Variants in TGM4 observed in about 807,000 individuals in gnomAD.
TGM4 encodes the protein transglutaminase 4, also known as protein-glutamine gamma-glutamyltransferase 4.
Under a neutral mutation model 76.3 loss-of-function variants are expected in TGM4, and 61 were observed. The ratio of observed to expected loss-of-function variants is 0.80; its 90% CI spans 0.65 to 0.99. TGM4 has a LOEUF of 0.99. TGM4 is among the 50% of genes least tolerant of loss of function. The probability of loss-of-function intolerance (pLI) is 0.00; values close to 1 mark genes in which losing one functional copy is unlikely to be tolerated. For missense variants in TGM4, 794 were observed against 843.2 expected, an observed-to-expected ratio of 0.94 and a Z score of 0.72; for synonymous variants, 337 against 329.8, an observed-to-expected ratio of 1.02 and a Z score of -0.24.
chr3:44,900,214 TGGGGCC>T (rs1301321192), intron 6 of TGM4, among the ~76,000 whole-genome samples: 6 of 152,202 alleles, frequency 3.9e-5, no homozygotes, highest in African/African-American at 1.4e-4. Context: ...GCTGACAGGC[TGGGGCC>T]GCTTAATTTC....
chr3:44,911,261 C>T lies in TGM4; in HGVS notation c.1777-9C>T. The stretch of plus-strand genomic sequence containing the variant: ...TCTCTCCCCATCTCTCCTCCCCACC[C>T]TACTACAGTTGCCTAACACAGGCAG... On this transcript the variant is annotated splice_polypyrimidine_tract_variant and intron_variant, in intron 12 of 13. Transcript: ENST00000296125. The T allele has an allele frequency of 6.2e-7, 1 of 1,614,204 alleles. No homozygotes were observed. Among genetic ancestry groups the T allele is most frequent in the Non-Finnish European group, 8.5e-7 (1 of 1,180,026 alleles).
chr3:44,884,762 T>C (rs1699578165), intron 1 of TGM4, among the ~76,000 whole-genome samples: 2 of 152,214 alleles, frequency 1.3e-5, no homozygotes, highest in Admixed American at 1.3e-4. Context: ...CTCTTCAGGA[T>C]GTGAACTCTC....
chr3:44,901,618 C>T lies in TGM4; in HGVS notation c.752C>T (p.Pro251Leu), dbSNP rs1167387099. 7 of 1,614,116 alleles carry T rather than the reference C, an allele frequency of 4.3e-6. No individual in the cohort carries two copies. The highest frequency in any genetic ancestry group is 2.2e-5 in the East Asian group (1 of 44,884). ...CCATACAAGTGGACAGGCAGTGCCC[C>T]GATCCTGCAGCAGTACTACAACACG... ...TAPYKWTGSA[P>L]ILQQYYNTKQ... Residue 251 changes from proline (P) to leucine (L), a missense_variant, in exon 7 of 14, where the codon CCG becomes CTG. Pro to Leu is a moderately conservative substitution (Grantham distance 98). Coordinates refer to ENST00000296125, the MANE Select transcript of TGM4 (RefSeq NM_003241.4).
chr3:44,892,794 T>TTCTTTG (rs1183509576), intron 4 of TGM4, among the ~76,000 whole-genome samples: 1 of 152,226 alleles, frequency 6.6e-6, no homozygotes, highest in Non-Finnish European at 1.5e-5. Context: ...TTCTTTATCT[T>TTCTTTG]TCTTTGTCTT....
chr3:44,891,886 A>T (rs997882209), intron 4 of TGM4, among the ~76,000 whole-genome samples: 1 of 151,718 alleles, frequency 6.6e-6, no homozygotes, highest in African/African-American at 2.4e-5. Flanking sequence ...GAGACAGGAG[A>T]ATGGCGTGAA....
At chr3:44,907,230 C>G (rs1211578244) in intron 10 of TGM4, 30 bp downstream of exon 10, 1 of 1,608,274 alleles carries the variant, frequency 6.2e-7, no homozygotes, top group East Asian at 2.2e-5. Flanking sequence ...CCTTCTGACT[C>G]AGCCCCTGAG....
chr3:44,893,291 G>C lies in TGM4; in HGVS notation c.431-286G>C, dbSNP rs550261191. Reference sequence around the variant, plus strand: ...TCCCATCTACCTCTCTCTTCCATCTGTATGGACTCATGGACTCTCTCTTTC... The same window carrying C: ...TCCCATCTACCTCTCTCTTCCATCTCTATGGACTCATGGACTCTCTCTTTC... On this transcript the variant is annotated intron_variant, in intron 4 of 13. Coordinates refer to ENST00000296125, the MANE Select transcript of TGM4 (RefSeq NM_003241.4). 5.3e-5 allele frequency among the ~76,000 whole-genome samples: 8 copies of C among 152,264 alleles called. No individual in the cohort carries two copies. In the South Asian group the frequency reaches 1.7e-3, roughly 32 times the overall value.
At position 44,878,529 on chromosome 3, in the gene TGM4, C is replaced by G. The variant is rs370029150; in HGVS notation, c.19+3832C>G. 4.0e-5 allele frequency among the ~76,000 whole-genome samples: 6 copies of G among 150,710 alleles called. No individual in the cohort carries two copies. The East Asian group carries it at 7.8e-4, about 20-fold the overall frequency. Reference sequence around the variant, plus strand: ...ATGAGGTCTCACTCTGTCACCCAGGCTGGAGCACAGTGACGTGATCTCGGT... The same window carrying G: ...ATGAGGTCTCACTCTGTCACCCAGGGTGGAGCACAGTGACGTGATCTCGGT... On this transcript the variant is annotated intron_variant, in intron 1 of 13. Transcript: ENST00000296125.
intron 6 of TGM4, among the ~76,000 whole-genome samples, chr3:44,898,634 A>G (rs1293380780): frequency 6.6e-6 from 1 of 152,176 alleles, no homozygotes; most frequent in East Asian, 1.9e-4. Context: ...TCTCCAGGTG[A>G]GTCTGTGAGC....
chr3:44,880,362 AT>A (rs974182736), intron 1 of TGM4, among the ~76,000 whole-genome samples: 28 of 152,322 alleles, frequency 1.8e-4, no homozygotes, highest in Non-Finnish European at 2.6e-4. Flanking sequence ...ACAACTGTTT[AT>A]TTTACTTTCT....
intron 6 of TGM4, among the ~76,000 whole-genome samples, chr3:44,900,398 T>C (rs1028784664): frequency 6.6e-6 from 1 of 152,200 alleles, no homozygotes; most frequent in Non-Finnish European, 1.5e-5. Flanking sequence ...CTGATTTTGA[T>C]GAATGAAGAG....
chr3:44,897,004 T>TC (rs1699788496), intron 6 of TGM4, among the ~76,000 whole-genome samples, 188 bp downstream of exon 6: 1 of 142,404 alleles, frequency 7.0e-6, no homozygotes, highest in African/African-American at 2.6e-5. Context: ...TCTTTTCTTT[T>TC]TTTTTTTTTT....
intron 3 of TGM4, chr3:44,888,828 T>C (rs1273850662): frequency 6.6e-6 from 1 of 151,966 alleles, no homozygotes; most frequent in Non-Finnish European, 1.5e-5. Context: ...TAATGAACAG[T>C]GAGGGCACAA....
Position 44,885,424 on chromosome 3 carries a change from A to G in TGM4, c.119A>G (p.Gln40Arg). The G allele has an allele frequency of 6.2e-7, 1 of 1,613,794 alleles. No individual in the cohort carries two copies. Among genetic ancestry groups the G allele is most frequent in the Non-Finnish European group, 8.5e-7 (1 of 1,180,010 alleles). ...QTSSPVFRRG[Q>R]VFHLRLVLNQ... Reference sequence around the variant, plus strand: ...AGCAGTCCTGTGTTCCGGCGAGGACAGGTGTTTCACCTGCGGCTGGTGCTG... The same window carrying G: ...AGCAGTCCTGTGTTCCGGCGAGGACGGGTGTTTCACCTGCGGCTGGTGCTG... Residue 40 changes from glutamine to arginine, a missense_variant, in exon 2 of 14, where the codon CAG becomes CGG. By Grantham distance (43) the Gln-to-Arg change is conservative (BLOSUM62 1). Transcript: ENST00000296125.
At position 44,887,848 on chromosome 3, in the gene TGM4, C is replaced by G. The variant is rs754440081; in HGVS notation, c.300+53C>G. 3.9e-6 allele frequency: 6 copies of G among 1,525,216 alleles called. No homozygotes were observed. In the Admixed American group the frequency reaches 1.0e-4, roughly 26 times the overall value. 94.5% of individuals were successfully genotyped at this position (1,525,216 alleles called of 1,614,324 possible). On this transcript the variant is annotated intron_variant, in intron 3 of 13. Coordinates refer to ENST00000296125, the MANE Select transcript of TGM4 (RefSeq NM_003241.4). ...GCTGGCTGGCTTCTGGCGGAATGCT[C>G]CTAATGTGAGCAGCCCCTATCCCCT...
intron 1 of TGM4, among the ~76,000 whole-genome samples, chr3:44,883,223 C>T (rs1168573925): frequency 6.6e-6 from 1 of 152,192 alleles, no homozygotes; most frequent in African/African-American, 2.4e-5. Context: ...CTCCTGACAG[C>T]ATGCTATGGT....
At chr3:44,890,252 G>C (rs940050038) in intron 3 of TGM4, 24 of 203,680 alleles carry the variant, frequency 1.2e-4, no homozygotes, top group African/African-American at 5.3e-4. Context: ...CACCTTATGC[G>C]TACTTTATCC....
chr3:44,887,839 C>A, intron 3 of TGM4, 44 bp downstream of exon 3: 2 of 1,558,064 alleles, frequency 1.3e-6, no homozygotes, highest in South Asian at 1.1e-5. Context: ...TGGCTTCTGG[C>A]GGAATGCTCC....
In TGM4 at chr3:44,894,111, G is replaced by A. The variant is rs1297791547; in HGVS notation, c.549+416G>A. ...CCCATGGCTCTCTTCCACCCCCCACGGCTCTCTCCCAACCCCAACAGCTCT... is the reference window on the plus strand; with the variant it reads ...CCCATGGCTCTCTTCCACCCCCCACAGCTCTCTCCCAACCCCAACAGCTCT... On this transcript the variant is annotated intron_variant, in intron 5 of 13. Coordinates refer to ENST00000296125, the MANE Select transcript of TGM4 (RefSeq NM_003241.4). Among the ~76,000 whole-genome samples, 6 of 32,852 alleles carry A rather than the reference G, an allele frequency of 1.8e-4. No individual in the cohort carries two copies. In the Admixed American group the frequency reaches 2.1e-3, roughly 12 times the overall value. The allele number at this position is 32,852 out of a possible 152,430, so 21.6% of individuals were successfully genotyped here.
Sources: allele counts gnomAD v4.1 joint callset (sites outside exome capture counted in the v4.1 genomes callset), GRCh38; gene constraint gnomAD v4.1.1; transcripts MANE v1.5; gene names NCBI Gene and HGNC (gene_info 2026-07-23, HGNC 2026-07-21).